The following PRKG1 variants were observed in gnomAD, a reference collection of about 807,000 sequenced individuals.
PRKG1 encodes the protein protein kinase cGMP-dependent 1.
In PRKG1, 35 loss-of-function variants were observed where a neutral mutation model predicts 88.1. That is an observed-to-expected ratio of 0.40 (90% confidence interval 0.30 to 0.53). The LOEUF is 0.53. PRKG1 is among the 20% of genes least tolerant of loss of function. The pLI, the probability that PRKG1 is intolerant of heterozygous loss-of-function variation, is 0.59. For synonymous variants in PRKG1, 303 were observed against 292.5 expected (o/e 1.04, Z -0.37); for missense variants, 540 against 839.8 (o/e 0.64, Z 4.41).
At chr10:52,098,593 G>A (rs946579008) in intron 7 of PRKG1, among the ~76,000 whole-genome samples, 57 of 152,156 alleles carry the variant, frequency 3.7e-4, no homozygotes, top group African/African-American at 1.2e-3. Flanking sequence ...GGTGGATAAC[G>A]TGAGGTCAGG....
At chr10:51,785,753 G>T (rs1193998662) in intron 3 of PRKG1, among the ~76,000 whole-genome samples, 1 of 152,036 alleles carries the variant, frequency 6.6e-6, no homozygotes, top group Non-Finnish European at 1.5e-5. Context: ...AAACATGATG[G>T]TCTCACGCCA....
chr10:51,089,618 T>C (rs990500063), intron 1 of PRKG1, among the ~76,000 whole-genome samples: 4 of 152,206 alleles, frequency 2.6e-5, no homozygotes, highest in Admixed American at 2.0e-4. Context: ...CATCTAGTCA[T>C]ATGCTTATGT....
At chr10:52,060,092 A>G (rs1774182081) in intron 6 of PRKG1, among the ~76,000 whole-genome samples, 1 of 151,894 alleles carries the variant, frequency 6.6e-6, no homozygotes, top group Non-Finnish European at 1.5e-5. Context: ...TGAAAACTGG[A>G]CAAATATGTC....
At chr10:52,003,675 T>C (rs1844656854) in intron 5 of PRKG1, among the ~76,000 whole-genome samples, 1 of 152,308 alleles carries the variant, frequency 6.6e-6, no homozygotes, top group Middle Eastern at 3.4e-3. Context: ...CTGGGGAAGC[T>C]ACAGAAGAGA....
intron 3 of PRKG1, among the ~76,000 whole-genome samples, chr10:51,580,255 A>T (rs1364777377): frequency 2.6e-5 from 4 of 152,136 alleles, no homozygotes; most frequent in African/African-American, 9.6e-5. Context: ...TTCATAGTCT[A>T]TTGCAAGGTA....
intron 2 of PRKG1, among the ~76,000 whole-genome samples, chr10:51,335,905 G>A (rs1202910647): frequency 1.3e-5 from 2 of 152,208 alleles, no homozygotes; most frequent in African/African-American, 2.4e-5. Flanking sequence ...CTTTGTGAAA[G>A]TCAATTATGT....
rs190490252 is a variant in PRKG1, at chr10:52,052,583, T to C, written c.763-1901T>C. 3.6e-3 allele frequency among the ~76,000 whole-genome samples: 554 copies of C among 152,054 alleles called. 5 individuals are homozygous for C. Among genetic ancestry groups the C allele is most frequent in the East Asian group, 0.013 (68 of 5,166 alleles). ...AGAAAAAGGTTTAATGGACTCAACA[T>C]TCCACATGGCTGGGGAGGCCTCACA... is the stretch of plus-strand genomic sequence containing the variant. On this transcript the variant is annotated intron_variant, in intron 5 of 17. Coordinates refer to ENST00000373980, the MANE Select transcript of PRKG1 (RefSeq NM_006258.4).
chr10:52,246,471 T>C (rs1406265258), intron 9 of PRKG1, among the ~76,000 whole-genome samples: 1 of 152,134 alleles, frequency 6.6e-6, no homozygotes, highest in Non-Finnish European at 1.5e-5. Flanking sequence ...TAACTTTACA[T>C]TTTTATTGTT....
chr10:51,202,444 G>C (rs566864466), intron 2 of PRKG1, among the ~76,000 whole-genome samples: 1 of 152,186 alleles, frequency 6.6e-6, no homozygotes, highest in East Asian at 1.9e-4. Flanking sequence ...TCACTCCCCA[G>C]AAGATTTCTC....
At chr10:52,149,709 A>G (rs771881851) in intron 8 of PRKG1, among the ~76,000 whole-genome samples, 2 of 152,260 alleles carry the variant, frequency 1.3e-5, no homozygotes, top group Admixed American at 6.5e-5. Flanking sequence ...TGGTGGGAAG[A>G]TAAATTTCTG....
At chr10:52,235,504 G>C (rs1045242538) in intron 9 of PRKG1, among the ~76,000 whole-genome samples, 33 of 150,360 alleles carry the variant, frequency 2.2e-4, no homozygotes, top group African/African-American at 7.3e-4. Context: ...AAAAAAGGCA[G>C]GGGTTGCAAT....
At chr10:52,161,836 C>A in intron 8 of PRKG1, 53 bp from the exon 9 acceptor site, 2 of 1,477,620 alleles carry the variant, frequency 1.4e-6, no homozygotes, top group African/African-American at 2.8e-5. Context: ...GACTAGGTTG[C>A]CATTGCTACT....
intron 2 of PRKG1, among the ~76,000 whole-genome samples, chr10:51,434,617 A>G (rs1470290868): frequency 1.3e-5 from 2 of 152,126 alleles, no homozygotes; most frequent in Admixed American, 6.6e-5. Flanking sequence ...TGAATGCTAA[A>G]CAAGCTTGAG....
chr10:51,497,762 A>C (rs1467819097), intron 3 of PRKG1, among the ~76,000 whole-genome samples: 1 of 152,198 alleles, frequency 6.6e-6, no homozygotes, highest in African/African-American at 2.4e-5. Context: ...GACAAAATCT[A>C]ACTCTCACGG....
At chr10:51,170,731 G>A (rs1846681507) in intron 2 of PRKG1, among the ~76,000 whole-genome samples, 1 of 144,662 alleles carries the variant, frequency 6.9e-6, no homozygotes, top group African/African-American at 2.6e-5. Context: ...ATGGAAGCCA[G>A]TGTGGCATGA....
At chr10:51,602,780 G>A (rs2339796) in intron 3 of PRKG1, among the ~76,000 whole-genome samples, 54,847 of 126,334 alleles carry the variant, frequency 0.43, 12,169 homozygotes, top group Non-Finnish European at 0.51. Context: ...GTGTGTGTGT[G>A]TATATATTCA....
intron 5 of PRKG1, among the ~76,000 whole-genome samples, chr10:52,043,743 C>A (rs542464230): frequency 6.6e-6 from 1 of 151,228 alleles, no homozygotes; most frequent in African/African-American, 2.4e-5. Flanking sequence ...TGCTAATTAC[C>A]CTGATTTGAA....
chr10:52,287,292 AT>A (rs981519532), intron 14 of PRKG1, among the ~76,000 whole-genome samples: 3 of 152,028 alleles, frequency 2.0e-5, no homozygotes, highest in African/African-American at 4.8e-5. Flanking sequence ...ATGTTTATAC[AT>A]TTTTCAAGTG....
chr10:51,704,015 C>T (rs1841538227), intron 3 of PRKG1, among the ~76,000 whole-genome samples: 1 of 151,574 alleles, frequency 6.6e-6, no homozygotes, highest in Non-Finnish European at 1.5e-5. Flanking sequence ...TGTGGTGGTG[C>T]ATGCTTCTAA....
Sources: gnomAD v4.1 joint callset for allele counts (sites outside exome capture counted in the v4.1 genomes callset) on GRCh38, gnomAD v4.1.1 for gene constraint, MANE v1.5 for transcripts, NCBI Gene and HGNC (gene_info 2026-07-23, HGNC 2026-07-21) for gene names.